Variants in PARVB observed in about 807,000 individuals in gnomAD.
PARVB encodes the protein beta-parvin.
Under a neutral mutation model 47.0 loss-of-function variants are expected in PARVB, and 46 were observed. The ratio of observed to expected loss-of-function variants is 0.98; its 90% CI spans 0.77 to 1.25. The LOEUF (loss-of-function observed/expected upper bound fraction) is 1.25, where lower values mean the gene tolerates loss of function less well. Ranked by LOEUF, PARVB falls within the 50% of genes most tolerant of loss-of-function variation. The probability of loss-of-function intolerance (pLI) is 0.00; values close to 1 mark genes in which losing one functional copy is unlikely to be tolerated. For synonymous variants in PARVB, 196 were observed against 196.3 expected (o/e 1.00, Z 0.01); for missense variants, 473 against 471.6 (o/e 1.00, Z -0.03).
chr22:44,146,631 G>A (rs1198745086), intron 8 of PARVB: 2 of 152,462 alleles, frequency 1.3e-5, no homozygotes, highest in Admixed American at 1.3e-4. Context: ...CTCTCCGTAG[G>A]TCTCTGGCTT....
At chr22:44,059,244 C>T (rs146867361) in intron 1 of PARVB, among the ~76,000 whole-genome samples, 2 of 151,956 alleles carry the variant, frequency 1.3e-5, no homozygotes, top group Non-Finnish European at 2.9e-5. Flanking sequence ...CGGGGTTTCA[C>T]AATGTTGGCC....
At chr22:44,083,110 G>T (rs1169580822) in intron 1 of PARVB, among the ~76,000 whole-genome samples, 1 of 152,142 alleles carries the variant, frequency 6.6e-6, no homozygotes, top group African/African-American at 2.4e-5. Context: ...CCACATCAGG[G>T]TAATTGGGTT....
At chr22:44,026,453 T>C (rs12170546) in intron 1 of PARVB, 182,624 of 572,574 alleles carry the variant, frequency 0.32, 30,523 homozygotes, top group African/African-American at 0.49. Flanking sequence ...TCCTTGGATC[T>C]AGGCACAGGA....
chr22:44,030,282 G>A (rs1182046517), intron 1 of PARVB, among the ~76,000 whole-genome samples: 1 of 152,260 alleles, frequency 6.6e-6, no homozygotes, highest in East Asian at 1.9e-4. Flanking sequence ...TGAGCCATGG[G>A]GGTCTCACCA....
At chr22:44,087,104 G>C (rs1380164415) in intron 1 of PARVB, 1 of 152,262 alleles carries the variant, frequency 6.6e-6, no homozygotes, top group Non-Finnish European at 1.5e-5. Flanking sequence ...GGCTGGTTAA[G>C]TGTTTAAAAC....
At chr22:44,140,462 G>C (rs2053529173) in intron 8 of PARVB, 1 of 668,656 alleles carries the variant, frequency 1.5e-6, no homozygotes, top group South Asian at 1.4e-5. Context: ...AGTGGTTGAG[G>C]GTAAAAGGGA....
intron 1 of PARVB, chr22:44,069,072 CT>C: frequency 6.3e-7 from 1 of 1,597,670 alleles, no homozygotes; most frequent in Non-Finnish European, 8.5e-7. Context: ...TGCCACGTCC[CT>C]ATATGAACGG....
chr22:44,057,846 G>C (rs1463111006), intron 1 of PARVB, among the ~76,000 whole-genome samples: 1 of 152,058 alleles, frequency 6.6e-6, no homozygotes, highest in Non-Finnish European at 1.5e-5. Context: ...GCCTTGAGGG[G>C]AGGTTGGACG....
At chr22:44,027,484 G>A (rs889267141) in intron 1 of PARVB, among the ~76,000 whole-genome samples, 1 of 152,234 alleles carries the variant, frequency 6.6e-6, no homozygotes, top group African/African-American at 2.4e-5. Flanking sequence ...CAGTGGCCAG[G>A]GTCAGGTTTC....
At chr22:44,069,130 G>T in intron 1 of PARVB, 3 of 1,612,572 alleles carry the variant, frequency 1.9e-6, no homozygotes, top group Non-Finnish European at 2.5e-6. Context: ...GTGCTGGTCT[G>T]CAGAGCTGCC....
intron 10 of PARVB, chr22:44,153,775 T>C (rs1019838613): frequency 6.6e-6 from 1 of 152,060 alleles, no homozygotes; most frequent in Non-Finnish European, 1.5e-5. Context: ...CCTTGCTCGA[T>C]CTATCGGTCT....
At position 44,008,847 on chromosome 22, in the gene PARVB, GGT is replaced by G. The variant is rs1390229008; in HGVS notation, c.211+9178_211+9179del. Among the ~76,000 whole-genome samples the G allele has an allele frequency of 4.6e-5, 7 of 152,182 alleles. No individual in the cohort carries two copies. In the East Asian group the frequency reaches 1.4e-3, roughly 30 times the overall value. The stretch of plus-strand genomic sequence containing the variant: ...AAAAGTACAAAAAAAAAATTAGCTG[GGT>G]GTGGGGGTGGGTGCCTGTAGTCCCA... On this transcript the variant is annotated intron_variant, in intron 2 of 13. Transcript: ENST00000406477.
chr22:44,080,702 G>A (rs897046241), intron 1 of PARVB, among the ~76,000 whole-genome samples: 4 of 152,238 alleles, frequency 2.6e-5, no homozygotes, highest in Admixed American at 1.3e-4. Flanking sequence ...GTGACAGATG[G>A]AGTAGAAAGT....
At chr22:44,085,813 C>T (rs1037616507) in intron 1 of PARVB, among the ~76,000 whole-genome samples, 8 of 152,246 alleles carry the variant, frequency 5.3e-5, no homozygotes, top group African/African-American at 1.9e-4. Context: ...AGCCCTTTGG[C>T]ATCCATCCAC....
chr22:44,128,939 G>A (rs558121336), intron 4 of PARVB, among the ~76,000 whole-genome samples: 17 of 152,260 alleles, frequency 1.1e-4, no homozygotes, highest in South Asian at 1.0e-3. Context: ...TTACCTGGGC[G>A]TGGTGGCACA....
intron 2 of PARVB, among the ~76,000 whole-genome samples, chr22:44,096,966 C>G (rs939975622): frequency 2.6e-5 from 4 of 152,262 alleles, no homozygotes; most frequent in African/African-American, 9.6e-5. Flanking sequence ...GAGCCCATGT[C>G]TGACCCCCCG....
At chr22:44,072,746 A>G (rs1306188228) in intron 1 of PARVB, among the ~76,000 whole-genome samples, 1 of 152,098 alleles carries the variant, frequency 6.6e-6, no homozygotes. Context: ...CCTGGCCCAG[A>G]GTCACCCTTT....
chr22:44,106,140 T>G (rs71330715), intron 3 of PARVB: 4,907 of 85,492 alleles, frequency 0.057, 118 homozygotes, highest in Middle Eastern at 0.092. Context: ...CCAGATGTGT[T>G]TTTTTTTTTT....
chr22:44,067,294 C>G (rs2051556643), intron 1 of PARVB, among the ~76,000 whole-genome samples: 1 of 152,224 alleles, frequency 6.6e-6, no homozygotes, highest in African/African-American at 2.4e-5. Context: ...TTGAAGTGGT[C>G]TAAACCTGAC....
Sources: gnomAD v4.1 joint callset for allele counts (sites outside exome capture counted in the v4.1 genomes callset) on GRCh38, gnomAD v4.1.1 for gene constraint, MANE v1.5 for transcripts, NCBI Gene and HGNC (gene_info 2026-07-23, HGNC 2026-07-21) for gene names.